DMD: variants seen among roughly 807,000 people sequenced by gnomAD.
DMD encodes dystrophin, also known as mutant dystrophin.
DMD carries 63 observed loss-of-function variants against 330.1 expected under a neutral mutation model. That is an observed-to-expected ratio of 0.19 (90% CI 0.16 to 0.24). The LOEUF is 0.24. Among genes scored for constraint, DMD ranks in the 10% least tolerant of loss-of-function variants. The pLI is 1.00. For missense variants in DMD, 3,344 were observed against 2,684.1 expected (o/e 1.25, Z -5.43); for synonymous variants, 1,223 against 959.8 (o/e 1.27, Z -5.07).
chrX:31,318,729 G>A (rs1167951543), intron 62 of DMD, among the ~76,000 whole-genome samples: 1 of 112,230 alleles, frequency 8.9e-6, no homozygotes. Context: ...TGAGCAGTTA[G>A]CAAGTTCCCA....
intron 9 of DMD, among the ~76,000 whole-genome samples, chrX:32,673,688 T>C (rs1382810218): frequency 8.9e-6 from 1 of 112,121 alleles, no homozygotes; most frequent in African/African-American, 3.2e-5. Context: ...CCTCCTATCA[T>C]GAAGAAGCAG....
intron 60 of DMD, among the ~76,000 whole-genome samples, chrX:31,416,222 T>C (rs1170683019): frequency 1.8e-5 from 2 of 112,169 alleles, no homozygotes; most frequent in South Asian, 3.7e-4. Context: ...CAGAGACTGC[T>C]ACTACTATAT....
chrX:32,450,866 T>A lies in DMD; in HGVS notation c.3604-2228A>T, dbSNP rs1010013142. ...TTTTTAGACTTCATATATTCTTGGTTTAATAAGAGGCTCAGATCTTGGGAA... is the reference window on the plus strand; with the variant it reads ...TTTTTAGACTTCATATATTCTTGGTATAATAAGAGGCTCAGATCTTGGGAA... On this transcript the variant is annotated intron_variant, in intron 26 of 78. Transcript: ENST00000357033. Among the ~76,000 whole-genome samples, 3 of 110,949 alleles carry A rather than the reference T, an allele frequency of 2.7e-5. No homozygotes were observed. The South Asian group carries it at 1.1e-3, about 42-fold the overall frequency.
intron 51 of DMD, among the ~76,000 whole-genome samples, chrX:31,747,674 G>A (rs2087965212): frequency 9.0e-6 from 1 of 111,547 alleles, no homozygotes; most frequent in African/African-American, 3.3e-5. Flanking sequence ...GAAACTTTAT[G>A]TACTGTTTGA....
chrX:32,799,877 T>G (rs2076424607), intron 7 of DMD, among the ~76,000 whole-genome samples: 1 of 111,447 alleles, frequency 9.0e-6, no homozygotes, highest in Admixed American at 9.6e-5. Flanking sequence ...TCGCTTATGC[T>G]AATGCCTACT....
chrX:32,773,567 C>A (rs1307005211), intron 7 of DMD, among the ~76,000 whole-genome samples: 1 of 106,796 alleles, frequency 9.4e-6, no homozygotes, highest in African/African-American at 3.4e-5. Flanking sequence ...TCCTGTCCTC[C>A]CCACTTACCC....
At chrX:33,244,602 C>A in intron 1 of DMD, among the ~76,000 whole-genome samples, 1 of 111,642 alleles carries the variant, frequency 9.0e-6, no homozygotes, top group East Asian at 2.8e-4. Context: ...CCGAAATGGT[C>A]AATTGTGAAT....
intron 48 of DMD, among the ~76,000 whole-genome samples, chrX:31,856,515 G>A (rs1193983252): frequency 2.7e-5 from 3 of 111,934 alleles, no homozygotes; most frequent in Admixed American, 9.5e-5. Context: ...ATCTTTGTTC[G>A]TATTTTTATG....
chrX:33,004,107 G>C (rs2093345881), intron 2 of DMD, among the ~76,000 whole-genome samples: 1 of 111,944 alleles, frequency 8.9e-6, no homozygotes, highest in South Asian at 3.7e-4. Flanking sequence ...TTCTCTTTCA[G>C]TATCAGGAAA....
intron 55 of DMD, among the ~76,000 whole-genome samples, chrX:31,547,992 G>A (rs1239918019): frequency 8.9e-6 from 1 of 111,781 alleles, no homozygotes; most frequent in Non-Finnish European, 1.9e-5. Flanking sequence ...CGATTTGCAT[G>A]GTCTGAAAGC....
At chrX:31,583,489 G>A (rs1005963240) in intron 55 of DMD, among the ~76,000 whole-genome samples, 2 of 111,019 alleles carry the variant, frequency 1.8e-5, no homozygotes, top group Non-Finnish European at 3.8e-5. Context: ...AATTTGGCAG[G>A]GGGTAGGCTA....
At chrX:31,126,092 T>C (rs2033622980) in intron 78 of DMD, among the ~76,000 whole-genome samples, 1 of 111,578 alleles carries the variant, frequency 9.0e-6, no homozygotes, top group Non-Finnish European at 1.9e-5. Context: ...GATGACATGA[T>C]GAAAAAGATG....
rs780445077 is a variant in DMD at position 32,659,560 on chromosome X, C to T, written c.961-14408G>A. On this transcript the variant is annotated intron_variant, in intron 9 of 78. Coordinates refer to ENST00000357033, the MANE Select transcript of DMD (RefSeq NM_004006.3). Reference sequence around the variant, plus strand: ...TTTTATGAGAGGTGATGTAGCATCTCGGAAGCCTCACGACAGTAGACAGTT... The same window carrying T: ...TTTTATGAGAGGTGATGTAGCATCTTGGAAGCCTCACGACAGTAGACAGTT... Among the ~76,000 whole-genome samples, 212 of 110,711 alleles carry T rather than the reference C, an allele frequency of 1.9e-3. 1 individual carries two copies. The highest frequency in any genetic ancestry group is 6.7e-3 in the African/African-American group (203 of 30,499).
At chrX:33,248,793 G>A (rs1180639670) in intron 1 of DMD, among the ~76,000 whole-genome samples, 1 of 112,333 alleles carries the variant, frequency 8.9e-6, no homozygotes, top group Admixed American at 9.4e-5. Flanking sequence ...ATTTAGATAT[G>A]TTCTTAACGA....
intron 57 of DMD, among the ~76,000 whole-genome samples, chrX:31,490,654 G>C (rs1012613644): frequency 8.9e-6 from 1 of 112,325 alleles, no homozygotes. Flanking sequence ...AGGGAACAAC[G>C]CATTTTTCTT....
intron 60 of DMD, among the ~76,000 whole-genome samples, chrX:31,401,343 A>G (rs2061182610): frequency 8.9e-6 from 1 of 112,073 alleles, no homozygotes; most frequent in South Asian, 3.7e-4. Flanking sequence ...ATTGAATGCC[A>G]GAATGTGGAA....
At chrX:33,121,438 G>T (rs1050286774) in intron 1 of DMD, among the ~76,000 whole-genome samples, 4 of 110,857 alleles carry the variant, frequency 3.6e-5, no homozygotes, top group Non-Finnish European at 7.6e-5. Flanking sequence ...TCACCATGTT[G>T]GCCAGGCAGG....
chrX:32,056,939 T>C (rs1486128288), intron 44 of DMD, among the ~76,000 whole-genome samples: 1 of 111,486 alleles, frequency 9.0e-6, no homozygotes, highest in Non-Finnish European at 1.9e-5. Flanking sequence ...ATAGGATTTA[T>C]TCTTGGAATG....
intron 61 of DMD, among the ~76,000 whole-genome samples, chrX:31,343,618 T>TGTGA (rs1556530498): frequency 2.6e-4 from 21 of 81,609 alleles, no homozygotes; most frequent in African/African-American, 1.0e-3. Flanking sequence ...TGTGTGTGTG[T>TGTGA]GAGAGAGAGA....
Sources: allele counts gnomAD v4.1 joint callset (sites outside exome capture counted in the v4.1 genomes callset), GRCh38; gene constraint gnomAD v4.1.1; transcripts MANE v1.5; gene names NCBI Gene and HGNC (gene_info 2026-07-23, HGNC 2026-07-21).